The following WDR7 variants were observed in gnomAD, a reference collection of about 807,000 sequenced individuals.
WDR7 encodes the protein WD repeat-containing protein 7.
In WDR7, 46 loss-of-function variants were observed where a neutral mutation model predicts 169.4. The observed-to-expected ratio is 0.27, with a 90% CI of 0.21 to 0.35. WDR7 has a LOEUF of 0.35. Ranked by LOEUF, WDR7 falls within the 10% of genes least tolerant of loss-of-function variation. The pLI, the probability that WDR7 is intolerant of heterozygous loss-of-function variation, is 1.00. For synonymous variants in WDR7, 612 were observed against 666.8 expected (o/e 0.92, Z 1.27); for missense variants, 1,534 against 1,859.3 (o/e 0.83, Z 3.22).
chr18:56,752,016 T>C (rs1173380224), intron 14 of WDR7, among the ~76,000 whole-genome samples: 2 of 152,230 alleles, frequency 1.3e-5, no homozygotes, highest in Non-Finnish European at 1.5e-5. Flanking sequence ...TAAATGTTTA[T>C]ACAATTAAGT....
At chr18:56,947,199 G>C (rs1052925885) in intron 25 of WDR7, among the ~76,000 whole-genome samples, 4 of 152,070 alleles carry the variant, frequency 2.6e-5, no homozygotes, top group Non-Finnish European at 4.4e-5. Context: ...AATCACAAAC[G>C]TATTAGCCAC....
rs184466652 is a variant in WDR7 at position 56,842,700 on chromosome 18, C to T, written c.3304+26556C>T. Among the ~76,000 whole-genome samples the T allele has an allele frequency of 1.1e-4, 16 of 152,298 alleles. No individual in the cohort carries two copies. In the East Asian group the frequency reaches 2.9e-3, roughly 27 times the overall value. ...TTTTATTCATGTTTTCTCTCTTACA[C>T]ACACACACACAGTGATCAATGGCAA... On this transcript the variant is annotated intron_variant, in intron 20 of 27. Coordinates refer to ENST00000254442, the MANE Select transcript of WDR7 (RefSeq NM_015285.3).
chr18:56,733,975 A>G (rs936669854), intron 14 of WDR7, among the ~76,000 whole-genome samples: 2 of 152,146 alleles, frequency 1.3e-5, no homozygotes, highest in African/African-American at 4.8e-5. Context: ...CAGAAAGTGC[A>G]GAGAGCCTTT....
intron 26 of WDR7, among the ~76,000 whole-genome samples, chr18:57,017,434 GTGTGTGTGTGCA>G (rs1168364782): frequency 2.7e-5 from 4 of 148,532 alleles, no homozygotes; most frequent in African/African-American, 9.9e-5. Context: ...GTGTGTGTGT[GTGTGTGTGTGCA>G]TGTGTGTGTG....
intron 16 of WDR7, among the ~76,000 whole-genome samples, chr18:56,767,499 G>C (rs1435900703): frequency 6.6e-6 from 1 of 152,188 alleles, no homozygotes; most frequent in Admixed American, 6.5e-5. Context: ...GGCTCACGTT[G>C]CTTGTCTCCC....
chr18:56,705,927 G>A (rs556917335), intron 12 of WDR7, among the ~76,000 whole-genome samples: 1 of 152,310 alleles, frequency 6.6e-6, no homozygotes, highest in Admixed American at 6.5e-5. Context: ...GAACCTGGGA[G>A]GTGGAGGTTG....
At chr18:56,666,796 T>C (rs920019082) in intron 1 of WDR7, among the ~76,000 whole-genome samples, 28 of 152,124 alleles carry the variant, frequency 1.8e-4, no homozygotes, top group Non-Finnish European at 8.8e-5. Context: ...TGTGTGATCT[T>C]GAGAGAGTTG....
intron 25 of WDR7, among the ~76,000 whole-genome samples, chr18:56,940,217 T>C (rs1179549749): frequency 1.3e-5 from 2 of 152,210 alleles, no homozygotes; most frequent in Non-Finnish European, 2.9e-5. Flanking sequence ...AGTTCAATGA[T>C]ATTCTATTTT....
At chr18:56,854,563 T>C (rs2045690067) in intron 20 of WDR7, among the ~76,000 whole-genome samples, 1 of 152,200 alleles carries the variant, frequency 6.6e-6, no homozygotes, top group South Asian at 2.1e-4. Context: ...GACATCCATG[T>C]ATTAATGTGA....
chr18:56,728,829 C>G (rs1032445233), intron 13 of WDR7, among the ~76,000 whole-genome samples: 1 of 152,182 alleles, frequency 6.6e-6, no homozygotes, highest in Non-Finnish European at 1.5e-5. Context: ...GGGCTAAACC[C>G]TGTGCCAAGC....
chr18:56,920,718 C>T (rs976211269), intron 21 of WDR7, among the ~76,000 whole-genome samples: 1 of 152,158 alleles, frequency 6.6e-6, no homozygotes, highest in South Asian at 2.1e-4. Context: ...TTATTTTCTA[C>T]AAAATTAGAT....
intron 19 of WDR7, among the ~76,000 whole-genome samples, chr18:56,782,372 A>C (rs2044330815): frequency 6.6e-6 from 1 of 151,986 alleles, no homozygotes; most frequent in Non-Finnish European, 1.5e-5. Flanking sequence ...TTACTAAATA[A>C]TTTTTTTAAG....
At chr18:56,716,552 G>GATAAAAATA (rs2026196614) in intron 12 of WDR7, among the ~76,000 whole-genome samples, 1 of 152,108 alleles carries the variant, frequency 6.6e-6, no homozygotes, top group Non-Finnish European at 1.5e-5. Context: ...ATGCTAGTAA[G>GATAAAAATA]ATAAAAATAA....
chr18:56,861,026 T>C (rs2045796814), intron 20 of WDR7, among the ~76,000 whole-genome samples: 2 of 152,166 alleles, frequency 1.3e-5, no homozygotes, highest in Non-Finnish European at 2.9e-5. Flanking sequence ...GCTTTCTATT[T>C]CACAAATGTT....
intron 19 of WDR7, 189 bp downstream of exon 19, chr18:56,781,845 AAAAGGC>A (rs2044322903): frequency 1.7e-6 from 1 of 574,064 alleles, no homozygotes; most frequent in South Asian, 7.0e-5. Context: ...TTTAAAAAAC[AAAAGGC>A]AAAGGCTGTC....
At chr18:56,749,380 GTGTGTT>G (rs1216466928) in intron 14 of WDR7, among the ~76,000 whole-genome samples, 7 of 105,666 alleles carry the variant, frequency 6.6e-5, no homozygotes, top group Non-Finnish European at 1.4e-4. Flanking sequence ...AGAAGTGTGT[GTGTGTT>G]TGTGTGTGTG....
chr18:57,008,470 G>A (rs2048095922), intron 26 of WDR7, among the ~76,000 whole-genome samples: 1 of 152,278 alleles, frequency 6.6e-6, no homozygotes, highest in Admixed American at 6.5e-5. Flanking sequence ...TTTCAAGCCT[G>A]CCTGTCTCCA....
chr18:56,797,801 A>C (rs2044609592), intron 19 of WDR7, among the ~76,000 whole-genome samples: 1 of 152,200 alleles, frequency 6.6e-6, no homozygotes, highest in Admixed American at 6.5e-5. Flanking sequence ...AAGTCAGTTA[A>C]ACAAATTGTA....
At chr18:56,735,244 T>C (rs776669213) in intron 14 of WDR7, among the ~76,000 whole-genome samples, 3 of 152,076 alleles carry the variant, frequency 2.0e-5, no homozygotes, top group Non-Finnish European at 4.4e-5. Flanking sequence ...GTTGAATAAA[T>C]AGGACTTCAC....
Sources: allele counts gnomAD v4.1 joint callset (sites outside exome capture counted in the v4.1 genomes callset), GRCh38; gene constraint gnomAD v4.1.1; transcripts MANE v1.5; gene names NCBI Gene and HGNC (gene_info 2026-07-23, HGNC 2026-07-21).